Variants in CACNB4 observed in about 807,000 individuals in gnomAD.
CACNB4 encodes the protein voltage-dependent L-type calcium channel subunit beta-4.
In CACNB4, 32 loss-of-function variants were observed where a neutral mutation model predicts 71.2. That is an observed-to-expected ratio of 0.45 (90% CI 0.34 to 0.60). CACNB4 has a LOEUF of 0.60. Among genes scored for constraint, CACNB4 ranks in the 20% least tolerant of loss-of-function variants. The pLI is 0.01. For missense variants in CACNB4, 464 were observed against 647.9 expected (o/e 0.72, Z 3.08); for synonymous variants, 231 against 236.9 (o/e 0.97, Z 0.23).
At chr2:151,916,259 T>C (rs1405891929) in intron 2 of CACNB4, among the ~76,000 whole-genome samples, 1 of 152,202 alleles carries the variant, frequency 6.6e-6, no homozygotes, top group Non-Finnish European at 1.5e-5. Context: ...GATTATATTC[T>C]CTTATCTCCT....
In CACNB4 at chr2:151,880,861, T is replaced by C. The variant is rs759000646; in HGVS notation, c.329A>G (p.Asp110Gly). 1.9e-6 allele frequency: 3 copies of C among 1,613,614 alleles called. No individual in the cohort carries two copies. The highest frequency in any genetic ancestry group is 2.2e-5 in the East Asian group (1 of 44,880). The stretch of plus-strand genomic sequence containing the variant: ...GATAGCTGTGCTTGGAACAGGCACA[T>C]CCTCGTCCAGGGCGCCGCAGTAGCT... ...NVSYCGALDE[D>G]VPVPSTAISF... Residue 110 changes from aspartate (D) to glycine (G), a missense_variant, in exon 4 of 14, where the codon GAT becomes GGT. By Grantham distance (94) the Asp-to-Gly change is moderately conservative. Transcript: ENST00000539935.
intron 2 of CACNB4, among the ~76,000 whole-genome samples, chr2:152,001,740 G>T (rs1210696415): frequency 6.6e-6 from 1 of 150,634 alleles, no homozygotes; most frequent in African/African-American, 2.4e-5. Context: ...AAAAGAGAAT[G>T]AGTTTTACGG....
chr2:151,999,793 T>C lies in CACNB4; in HGVS notation c.147+98537A>G, dbSNP rs182970535. Among the ~76,000 whole-genome samples, 14 of 152,360 alleles carry C rather than the reference T, an allele frequency of 9.2e-5. No individual in the cohort carries two copies. The East Asian group carries it at 2.5e-3, about 27-fold the overall frequency. ...AGGACATAACTAGTACTTTGCAATC[T>C]ACACCTTCTATCAGTGTGTGCTTTG... On this transcript the variant is annotated intron_variant, in intron 2 of 13. Coordinates refer to ENST00000539935, the MANE Select transcript of CACNB4 (RefSeq NM_000726.5).
chr2:152,068,288 A>T (rs1686461621), intron 2 of CACNB4, among the ~76,000 whole-genome samples: 1 of 152,048 alleles, frequency 6.6e-6, no homozygotes, highest in African/African-American at 2.4e-5. Flanking sequence ...TTGCCTAGAG[A>T]CCCTGCAAAG....
intron 2 of CACNB4, among the ~76,000 whole-genome samples, chr2:152,096,026 T>C (rs1688247963): frequency 6.6e-6 from 1 of 152,210 alleles, no homozygotes; most frequent in African/African-American, 2.4e-5. Context: ...GATTTCAATT[T>C]TATCCGAAAG....
intron 2 of CACNB4, among the ~76,000 whole-genome samples, chr2:152,002,828 C>T: frequency 6.6e-6 from 1 of 152,234 alleles, no homozygotes; most frequent in Non-Finnish European, 1.5e-5. Flanking sequence ...CAAAAGGAAG[C>T]ATCTGTGGTT....
rs1396352466 is a variant in CACNB4 at position 151,934,123 on chromosome 2, TAAG to T, written c.148-50756_148-50754del. ...GCTAGCTGCTTTCTAGGTTGAATAA[TAAG>T]AACTTGAGGTCACTGTCTCCACCAG... On this transcript the variant is annotated intron_variant, in intron 2 of 13. Coordinates refer to ENST00000539935, the MANE Select transcript of CACNB4 (RefSeq NM_000726.5). 6.6e-5 allele frequency among the ~76,000 whole-genome samples: 10 copies of T among 150,888 alleles called. No individual in the cohort carries two copies. The East Asian group carries it at 1.9e-3, about 29-fold the overall frequency.
intron 4 of CACNB4, chr2:151,879,889 C>G (rs1278062722): frequency 1.3e-5 from 2 of 152,188 alleles, no homozygotes; most frequent in Non-Finnish European, 2.9e-5. Context: ...GTGTGCATGT[C>G]ACATGTAAGA....
intron 2 of CACNB4, among the ~76,000 whole-genome samples, chr2:151,894,746 T>C (rs2099851575): frequency 6.6e-6 from 1 of 152,150 alleles, no homozygotes; most frequent in African/African-American, 2.4e-5. Flanking sequence ...AAATCAGTAG[T>C]GTTTCTATAC....
chr2:151,858,017 A>G (rs772540796), intron 10 of CACNB4: 9 of 152,242 alleles, frequency 5.9e-5, no homozygotes, highest in Non-Finnish European at 1.2e-4. Flanking sequence ...ATGTATACAG[A>G]ATGTAATAAA....
chr2:151,906,605 C>G (rs1347873279), intron 2 of CACNB4, among the ~76,000 whole-genome samples: 1 of 152,190 alleles, frequency 6.6e-6, no homozygotes, highest in African/African-American at 2.4e-5. Context: ...ATGAAACTCT[C>G]TGGTCTTTAT....
chr2:151,868,213 G>T (rs920542944), intron 9 of CACNB4: 7 of 151,874 alleles, frequency 4.6e-5, no homozygotes, highest in Non-Finnish European at 4.4e-5. Context: ...AAATTATTTT[G>T]TGCATTTAGT....
At chr2:152,087,303 G>A (rs778027307) in intron 2 of CACNB4, among the ~76,000 whole-genome samples, 1 of 147,610 alleles carries the variant, frequency 6.8e-6, no homozygotes, top group African/African-American at 2.5e-5. Flanking sequence ...ATGGTGGCAC[G>A]TACCTGTAAT....
At chr2:151,869,256 A>G (rs757562855) in intron 8 of CACNB4, 21 bp from the exon 9 acceptor site, 1 of 1,474,970 alleles carries the variant, frequency 6.8e-7, no homozygotes. Context: ...GTGAGAAAAA[A>G]AGAATGAGGC....
intron 2 of CACNB4, among the ~76,000 whole-genome samples, chr2:152,068,947 T>C (rs1048573622): frequency 6.6e-6 from 1 of 152,168 alleles, no homozygotes; most frequent in African/African-American, 2.4e-5. Context: ...CAGGCCCACA[T>C]AGGCTTTGAC....
intron 2 of CACNB4, among the ~76,000 whole-genome samples, chr2:151,995,653 G>T (rs942734534): frequency 9.9e-5 from 15 of 152,220 alleles, no homozygotes; most frequent in African/African-American, 3.6e-4. Flanking sequence ...AGCTTGCAGT[G>T]AGCCAAGATC....
At chr2:151,888,480 T>A (rs1323142944) in intron 2 of CACNB4, among the ~76,000 whole-genome samples, 1 of 152,116 alleles carries the variant, frequency 6.6e-6, no homozygotes, top group African/African-American at 2.4e-5. Context: ...GTGGGAGGAT[T>A]GCTTGAGCCC....
rs1326207533 is a variant in CACNB4, at chr2:152,098,953, G to C, written c.59C>G (p.Ser20Trp). Residue 20 changes from serine (S) to tryptophan (W), a missense_variant, in exon 1 of 14, where the codon TCG (serine) becomes TGG (tryptophan). Around this residue, in one of 3 missense-constraint regions of CACNB4, gnomAD observed 50 missense variants for 47.5 expected, o/e 1.05. Transcript: ENST00000539935. The surrounding 1 kb of genome is among the most constrained non-coding windows in gnomAD (Gnocchi z 5.3). ...GTADGPHSPT[S>W]QVARGTTTRR... is the part of the protein sequence containing the mutation. Reference sequence around the variant, plus strand: ...AGGGGGAGGAGGGGGCGGTACCTGCGAGGTGGGGGAGTGCGGCCCGTCCGC... The same window carrying C: ...AGGGGGAGGAGGGGGCGGTACCTGCCAGGTGGGGGAGTGCGGCCCGTCCGC... 3 of 1,510,822 alleles carry C rather than the reference G, an allele frequency of 2.0e-6. No individual in the cohort carries two copies. In the South Asian group the frequency reaches 3.8e-5, roughly 19 times the overall value. 93.6% of individuals were successfully genotyped at this position (1,510,822 alleles called of 1,614,324 possible).
chr2:151,908,282 A>T (rs2099855289), intron 2 of CACNB4, among the ~76,000 whole-genome samples: 1 of 152,244 alleles, frequency 6.6e-6, no homozygotes, highest in East Asian at 1.9e-4. Flanking sequence ...TGGTATATTT[A>T]GGGAGAGGTG....
Sources: allele counts gnomAD v4.1 joint callset (sites outside exome capture counted in the v4.1 genomes callset), GRCh38; gene constraint gnomAD v4.1.1; regional missense constraint gnomAD v4.1.1; non-coding constraint Gnocchi (gnomAD v3.1); transcripts MANE v1.5; gene names NCBI Gene and HGNC (gene_info 2026-07-23, HGNC 2026-07-21).